The following PCNX3 variants were observed in gnomAD, a reference collection of about 807,000 sequenced individuals.
The protein encoded by PCNX3 is pecanex-like protein 3.
A neutral mutation model predicts 207.2 loss-of-function variants in PCNX3; 58 were observed. The ratio of observed to expected loss-of-function variants is 0.28; its 90% CI spans 0.23 to 0.35. The LOEUF is 0.35. Among genes scored for constraint, PCNX3 ranks in the 10% least tolerant of loss-of-function variants. The pLI, the probability that PCNX3 is intolerant of heterozygous loss-of-function variation, is 1.00. For synonymous variants in PCNX3, 1,337 were observed against 1,183.5 expected, an observed-to-expected ratio of 1.13 and a Z score of -2.66; for missense variants, 2,410 against 2,774.4, an observed-to-expected ratio of 0.87 and a Z score of 2.95.
chr11:65,618,156 G>A lies in PCNX3; in HGVS notation c.794G>A (p.Arg265Lys), dbSNP rs766649344. ...ACCCAGCCTGACCGGGCCCTGGTGA[G>A]GACCAGCAGTCGACGGGAACAACGC... ...TLTQPDRALV[R>K]TSSRREQRRG... The change falls in exon 6 of 35, where the codon AGG (arginine) becomes AAG (lysine). Residue 265 changes from arginine to lysine, a missense_variant. This residue lies in a region of PCNX3 where 1,104 missense variants were observed against 970.3 expected (regional missense o/e 1.14). Coordinates refer to ENST00000355703, the MANE Select transcript of PCNX3 (RefSeq NM_032223.4). 1 of 1,608,198 alleles carries A rather than the reference G, an allele frequency of 6.2e-7. No individual in the cohort carries two copies. Among genetic ancestry groups the A allele is most frequent in the Non-Finnish European group, 8.5e-7 (1 of 1,176,638 alleles).
In PCNX3 at chr11:65,630,095, T is replaced by C. The variant is rs945132467; in HGVS notation, c.4217-256T>C. On this transcript the variant is annotated intron_variant, in intron 26 of 34. Transcript: ENST00000355703. ...CCAGCTCCTTCCTCTCAGGAAGACG[T>C]GTGTGTTGGATGCCCGAGAGTGCAG... 3.3e-5 allele frequency among the ~76,000 whole-genome samples: 5 copies of C among 152,094 alleles called. No homozygotes were observed. In the South Asian group the frequency reaches 1.0e-3, roughly 32 times the overall value.
At position 65,618,426 on chromosome 11, in the gene PCNX3, C is replaced by T. The variant is rs1353193775; in HGVS notation, c.1064C>T (p.Ser355Leu). The T allele has an allele frequency of 6.2e-7, 1 of 1,612,112 alleles. No individual in the cohort carries two copies. The highest frequency in any genetic ancestry group is 8.5e-7 in the Non-Finnish European group (1 of 1,179,616). ...GCCTCACCAGACGCCGGGGTCCCCTCAGATGACACGCTGCGTTCCTTTGAC... is the reference window on the plus strand; with the variant it reads ...GCCTCACCAGACGCCGGGGTCCCCTTAGATGACACGCTGCGTTCCTTTGAC... Reference protein sequence around the residue: ...LPASPDAGVPSDDTLRSFDTV... With the variant: ...LPASPDAGVPLDDTLRSFDTV... Residue 355 changes from serine to leucine, a missense_variant, in exon 6 of 35, where the codon TCA (serine) becomes TTA (leucine). Coordinates refer to ENST00000355703, the MANE Select transcript of PCNX3 (RefSeq NM_032223.4).
rs778663175 is a variant in PCNX3, at chr11:65,636,170, C to T, written c.5460-4C>T. ...TGATCCCTTTTCTACCTCTCCACCC[C>T]CAGGCTTCACAAGGGCTGTGGCGCC... On this transcript the variant is annotated splice_region_variant and splice_polypyrimidine_tract_variant and intron_variant, in intron 32 of 34. Coordinates refer to ENST00000355703, the MANE Select transcript of PCNX3 (RefSeq NM_032223.4). 3.8e-6 allele frequency: 6 copies of T among 1,598,136 alleles called. No individual in the cohort carries two copies. The South Asian group carries it at 6.8e-5, about 18-fold the overall frequency.
Position 65,635,833 on chromosome 11 carries a change from C to T in PCNX3, c.5459+30C>T, listed in dbSNP as rs376086697. The T allele has an allele frequency of 1.1e-5, 18 of 1,584,034 alleles. No homozygotes were observed. Among genetic ancestry groups the T allele is most frequent in the Admixed American group, 7.1e-5 (4 of 56,428 alleles). On this transcript the variant is annotated intron_variant, in intron 32 of 34. Coordinates refer to ENST00000355703, the MANE Select transcript of PCNX3 (RefSeq NM_032223.4). This position sits in a 1 kb window ranked among gnomAD's most constrained non-coding sequence, Gnocchi z 9.9. ...GGCCTCGGGAAGGGGTGACGTGTGG[C>T]GCGGGAGGAAGCTGAGGTGCAGTAC...
chr11:65,632,881 A>C (rs1855672505), intron 27 of PCNX3, among the ~76,000 whole-genome samples: 1 of 151,494 alleles, frequency 6.6e-6, no homozygotes, highest in East Asian at 2.0e-4. Context: ...GGTAGCTGGG[A>C]CTACAGGCAT....
intron 20 of PCNX3, chr11:65,626,361 A>C (rs1026528382): frequency 3.8e-5 from 22 of 575,808 alleles, no homozygotes; most frequent in Non-Finnish European, 7.2e-5. Flanking sequence ...GTCCAGAATT[A>C]AACACTGATC....
chr11:65,620,300 T>C, intron 8 of PCNX3, 39 bp from the exon 9 acceptor site: 1 of 1,584,138 alleles, frequency 6.3e-7, no homozygotes, highest in Non-Finnish European at 8.6e-7. Context: ...GGTGCTTCTG[T>C]CTCTGCCACG....
In PCNX3 at chr11:65,627,593, G is replaced by A. The variant is rs766095461; in HGVS notation, c.3702+11G>A. Reference sequence around the variant, plus strand: ...CTGCTTTGCAGCAAGGTGAGTTGGTGGCTGTGGCCCAGACCCCAGGCTGTC... The same window carrying A: ...CTGCTTTGCAGCAAGGTGAGTTGGTAGCTGTGGCCCAGACCCCAGGCTGTC... On this transcript the variant is annotated intron_variant, in intron 22 of 34. Transcript: ENST00000355703. The A allele has an allele frequency of 1.9e-6, 3 of 1,613,400 alleles. No individual in the cohort carries two copies. Among genetic ancestry groups the A allele is most frequent in the Admixed American group, 3.3e-5 (2 of 59,996 alleles).
rs1854877784 is a variant in PCNX3 at position 65,618,474 on chromosome 11, C to A, written c.1112C>A (p.Pro371Gln). ...SFDTVIGAGT[P>Q]PGLAEPLLVV... ...GACACGGTCATTGGAGCAGGGACGCCACCGGGCCTGGCTGAGCCGCTCCTG... is the reference window on the plus strand; with the variant it reads ...GACACGGTCATTGGAGCAGGGACGCAACCGGGCCTGGCTGAGCCGCTCCTG... Residue 371 changes from proline (P) to glutamine (Q), a missense_variant, in exon 6 of 35, where the codon CCA becomes CAA. By Grantham distance (76) the Pro-to-Gln change is moderately conservative. This residue lies in a region of PCNX3 where 1,104 missense variants were observed against 970.3 expected (regional missense o/e 1.14). Coordinates refer to ENST00000355703, the MANE Select transcript of PCNX3 (RefSeq NM_032223.4). 6.2e-7 allele frequency: 1 copy of A among 1,608,684 alleles called. No homozygotes were observed. The highest frequency in any genetic ancestry group is 8.5e-7 in the Non-Finnish European group (1 of 1,178,160).
chr11:65,628,591 C>T lies in PCNX3; in HGVS notation c.3703-4C>T. ...TTTTTTCTTCTCCCTGTTGGCCCTG[C>T]CAGCTGTGGGACTTGCTGTACAAGC... On this transcript the variant is annotated splice_polypyrimidine_tract_variant and splice_region_variant and intron_variant, in intron 22 of 34. Coordinates refer to ENST00000355703, the MANE Select transcript of PCNX3 (RefSeq NM_032223.4). 3 of 1,612,856 alleles carry T rather than the reference C, an allele frequency of 1.9e-6. No homozygotes were observed. Among genetic ancestry groups the T allele is most frequent in the African/African-American group, 2.7e-5 (2 of 75,044 alleles).
rs777697681 is a variant in PCNX3 at position 65,620,320 on chromosome 11, C to T, written c.2009-19C>T. The T allele has an allele frequency of 1.2e-6, 2 of 1,604,344 alleles. No homozygotes were observed. The highest frequency in any genetic ancestry group is 4.5e-5 in the East Asian group (2 of 44,696). Reference sequence around the variant, plus strand: ...TTCTGTCTCTGCCACGCTGCCTCATCTCCCATACCCTGCCCCAGGTGTGCG... The same window carrying T: ...TTCTGTCTCTGCCACGCTGCCTCATTTCCCATACCCTGCCCCAGGTGTGCG... On this transcript the variant is annotated intron_variant, in intron 8 of 34. Transcript: ENST00000355703.
intron 32 of PCNX3, 112 bp from the exon 33 acceptor site, chr11:65,636,062 C>T: frequency 1.4e-6 from 2 of 1,465,256 alleles, no homozygotes; most frequent in Non-Finnish European, 1.9e-6. Flanking sequence ...GGGGAGGATC[C>T]TGGGGCTCAG....
At chr11:65,620,032 C>G (rs1434723335) in intron 8 of PCNX3, 100 bp downstream of exon 8, 11 of 1,245,204 alleles carry the variant, frequency 8.8e-6, no homozygotes, top group Non-Finnish European at 1.2e-5. Context: ...GTGGCAGGTA[C>G]ACTGCTAATG....
rs931610158 is a variant in PCNX3 at position 65,619,031 on chromosome 11, C to T, written c.1669C>T (p.Arg557Trp). The change falls in exon 6 of 35, where the codon CGG becomes TGG. Residue 557 changes from arginine (R) to tryptophan (W), a missense_variant. This residue lies in a region of PCNX3 where 1,104 missense variants were observed against 970.3 expected (regional missense o/e 1.14). Coordinates refer to ENST00000355703, the MANE Select transcript of PCNX3 (RefSeq NM_032223.4). ...RGPAANQPGW[R>W]GELQEEGAVG... ...ACCCGCTGCCAACCAGCCCGGCTGG[C>T]GGGGGGAGCTGCAGGAGGAAGGTGC... 2.8e-5 allele frequency: 44 copies of T among 1,591,728 alleles called. No homozygotes were observed. The highest frequency in any genetic ancestry group is 1.8e-4 in the Middle Eastern group (1 of 5,616).
chr11:65,634,040 T>C lies in PCNX3; in HGVS notation c.4471-86T>C, dbSNP rs1855724111. 3.2e-6 allele frequency: 4 copies of C among 1,257,894 alleles called. No homozygotes were observed. In the South Asian group the frequency reaches 4.1e-5, roughly 13 times the overall value. The allele number at this position is 1,257,894 out of a possible 1,614,324, so 77.9% of individuals were successfully genotyped here. On this transcript the variant is annotated intron_variant, in intron 27 of 34. Coordinates refer to ENST00000355703, the MANE Select transcript of PCNX3 (RefSeq NM_032223.4). ...CAGAAAGCGGACTTCAGCTCAGTCTTGGGGAGGAGCCTCTGAACCTCCATG... is the reference window on the plus strand; with the variant it reads ...CAGAAAGCGGACTTCAGCTCAGTCTCGGGGAGGAGCCTCTGAACCTCCATG...
chr11:65,629,388 C>T lies in PCNX3; in HGVS notation c.3973C>T (p.Leu1325=), dbSNP rs763267609. The change falls in exon 25 of 35, where the codon CTG becomes TTG. Residue 1325 remains leucine, a synonymous_variant. Coordinates refer to ENST00000355703, the MANE Select transcript of PCNX3 (RefSeq NM_032223.4). The part of the protein sequence containing the change: ...TKRVDHSNTR[L]VTQLDRNPGA... ...ACGTGTGGATCATTCCAACACCCGC[C>T]TGGTCACACAGCTGGACAGGAACCC... 4 of 1,612,090 alleles carry T rather than the reference C, an allele frequency of 2.5e-6. No individual in the cohort carries two copies. The African/African-American group carries it at 4.0e-5, about 16-fold the overall frequency.
At position 65,616,289 on chromosome 11, in the gene PCNX3, G is replaced by C; in HGVS notation, c.-23G>C. On this transcript the variant is annotated 5_prime_UTR_variant, in exon 1 of 35. Transcript: ENST00000355703. ...CCCCATGAGGGTCCCGGGAGGGGGGGCGCGGGCAGCAGCGGCGGGGCCATG... is the reference window on the plus strand; with the variant it reads ...CCCCATGAGGGTCCCGGGAGGGGGGCCGCGGGCAGCAGCGGCGGGGCCATG... The C allele has an allele frequency of 6.5e-7, 1 of 1,545,918 alleles. No individual in the cohort carries two copies. Among genetic ancestry groups the C allele is most frequent in the Non-Finnish European group, 8.7e-7 (1 of 1,153,630 alleles).
chr11:65,617,711 G>A lies in PCNX3; in HGVS notation c.577+5G>A, dbSNP rs938442595. The A allele has an allele frequency of 1.2e-5, 18 of 1,558,270 alleles. No homozygotes were observed. The highest frequency in any genetic ancestry group is 2.4e-5 in the South Asian group (2 of 84,956). ...TCAGCTCGCAGGAGAAACTGAGTGCGTGGGCCTTATGGGGCCGAGGCTTGT... is the reference window on the plus strand; with the variant it reads ...TCAGCTCGCAGGAGAAACTGAGTGCATGGGCCTTATGGGGCCGAGGCTTGT... On this transcript the variant is annotated splice_donor_5th_base_variant and intron_variant, in intron 5 of 34. Coordinates refer to ENST00000355703, the MANE Select transcript of PCNX3 (RefSeq NM_032223.4).
In PCNX3 at chr11:65,625,190, A is replaced by G; in HGVS notation, c.2939A>G (p.His980Arg). 1 of 1,609,234 alleles carries G rather than the reference A, an allele frequency of 6.2e-7. No individual in the cohort carries two copies. The highest frequency in any genetic ancestry group is 8.5e-7 in the Non-Finnish European group (1 of 1,179,106). Residue 980 changes from histidine to arginine, a missense_variant, in exon 17 of 35, where the codon CAC becomes CGC. This residue lies in a region of PCNX3 where 333 missense variants were observed against 386.8 expected (regional missense o/e 0.86). Coordinates refer to ENST00000355703, the MANE Select transcript of PCNX3 (RefSeq NM_032223.4). The surrounding 1 kb of genome is among the most constrained non-coding windows in gnomAD (Gnocchi z 5.6). Reference sequence around the variant, plus strand: ...CCGCAGACTCCGTGGCCAGAGCAGCACGTCCCTGTCCTCTTCTCAGTCTTC... The same window carrying G: ...CCGCAGACTCCGTGGCCAGAGCAGCGCGTCCCTGTCCTCTTCTCAGTCTTC... ...GAIKTPWPEQ[H>R]VPVLFSVFCG...
Sources: gnomAD v4.1 joint callset for allele counts (sites outside exome capture counted in the v4.1 genomes callset) on GRCh38, gnomAD v4.1.1 for gene constraint, gnomAD v4.1.1 regional missense constraint, Gnocchi (gnomAD v3.1) non-coding constraint, MANE v1.5 for transcripts, NCBI Gene and HGNC (gene_info 2026-07-23, HGNC 2026-07-21) for gene names.